Variants in TLCD3A observed in about 807,000 individuals in gnomAD.
TLCD3A encodes the protein TLC domain containing 3A, also known as TLC domain-containing protein 3A.
TLCD3A carries 17 observed loss-of-function variants against 29.9 expected under a neutral mutation model. The ratio of observed to expected loss-of-function variants is 0.57; its 90% CI spans 0.39 to 0.85. The LOEUF is 0.85. Ranked by LOEUF, TLCD3A falls within the 40% of genes least tolerant of loss-of-function variation. The pLI, the probability that TLCD3A is intolerant of heterozygous loss-of-function variation, is 0.00. For missense variants in TLCD3A, 332 were observed against 350.8 expected (o/e 0.95, Z 0.43); for synonymous variants, 143 against 147.7 (o/e 0.97, Z 0.23).
rs1428804545 is a variant in TLCD3A, at chr17:740,499, C to T, written c.409-6C>T. On this transcript the variant is annotated splice_polypyrimidine_tract_variant and splice_region_variant and intron_variant, in intron 3 of 4. Coordinates refer to ENST00000308278, the MANE Select transcript of TLCD3A (RefSeq NM_024792.3). ...TTACTTCCCCTTTTCGTTTCGTCATCCGCAGAGGCTCCGGGGAGACCTTGG... is the reference window on the plus strand; with the variant it reads ...TTACTTCCCCTTTTCGTTTCGTCATTCGCAGAGGCTCCGGGGAGACCTTGG... The T allele has an allele frequency of 1.1e-5, 18 of 1,612,762 alleles. No homozygotes were observed. The highest frequency in any genetic ancestry group is 1.3e-5 in the African/African-American group (1 of 74,902).
At position 741,980 on chromosome 17, in the gene TLCD3A, G is replaced by A. The variant is rs544219130; in HGVS notation, c.*410G>A. 8 of 209,792 alleles carry A rather than the reference G, an allele frequency of 3.8e-5. No individual in the cohort carries two copies. Among genetic ancestry groups the A allele is most frequent in the East Asian group, 2.7e-4 (2 of 7,478 alleles). 13.0% of individuals were successfully genotyped at this position (209,792 alleles called of 1,614,324 possible). A position where few individuals can be genotyped will look rare whatever the true frequency, so the allele number is the denominator to read the frequency against. On this transcript the variant is annotated 3_prime_UTR_variant, in exon 5 of 5. Transcript: ENST00000308278. Reference sequence around the variant, plus strand: ...GGACAGTACCCGTGGCACTGGGCCCGCAGAAGCAAGGGATGACTTGGTTCT... The same window carrying A: ...GGACAGTACCCGTGGCACTGGGCCCACAGAAGCAAGGGATGACTTGGTTCT...
rs540167069 is a variant in TLCD3A, at chr17:733,301, G to A, written c.206+120G>A. 7 of 953,024 alleles carry A rather than the reference G, an allele frequency of 7.3e-6. No individual in the cohort carries two copies. The East Asian group carries it at 2.2e-4, about 29-fold the overall frequency. 59.0% of individuals were successfully genotyped at this position (953,024 alleles called of 1,614,324 possible). A position where few individuals can be genotyped will look rare whatever the true frequency, so the allele number is the denominator to read the frequency against. On this transcript the variant is annotated intron_variant, in intron 2 of 4. Coordinates refer to ENST00000308278, the MANE Select transcript of TLCD3A (RefSeq NM_024792.3). ...ATGGGAAAAGCTGGCACCACAATGG[G>A]CTCCTTCTTCCTCTCCGGAGTCTTC...
Position 737,970 on chromosome 17 carries a change from C to G in TLCD3A, c.331C>G (p.Arg111Gly), listed in dbSNP as rs1350239526. 1.9e-6 allele frequency: 3 copies of G among 1,613,980 alleles called. No homozygotes were observed. The highest frequency in any genetic ancestry group is 2.7e-5 in the African/African-American group (2 of 74,886). Residue 111 changes from arginine (R) to glycine (G), a missense_variant, in exon 3 of 5, where the codon CGA becomes GGA. Transcript: ENST00000308278. ...DQNRAPSLTL[R>G]NFLSRNRLMI... ...GAACCGTGCGCCCTCCCTCACTCTT[C>G]GAAACTTCCTAAGTCGAAACCGCCT...
At chr17:732,804 G>A in intron 1 of TLCD3A, 35 bp downstream of exon 1, 1 of 1,430,196 alleles carries the variant, frequency 7.0e-7, no homozygotes, top group Non-Finnish European at 9.1e-7. Context: ...CCGAGGCCCG[G>A]GGCGCTGCCC....
At chr17:738,454 C>G (rs1280459694) in intron 3 of TLCD3A, among the ~76,000 whole-genome samples, 1 of 152,040 alleles carries the variant, frequency 6.6e-6, no homozygotes, top group African/African-American at 2.4e-5. Context: ...TTCTTTGCCA[C>G]TCATAGGCAC....
rs745589491 is a variant in TLCD3A, at chr17:741,481, C to T, written c.685C>T (p.Leu229Phe). 5.6e-6 allele frequency: 9 copies of T among 1,614,090 alleles called. No individual in the cohort carries two copies. In the East Asian group the frequency reaches 6.7e-5, roughly 12 times the overall value. Residue 229 changes from leucine to phenylalanine, a missense_variant, in exon 5 of 5, where the codon CTC (leucine) becomes TTC (phenylalanine). Leu to Phe is a conservative substitution (Grantham distance 22). Transcript: ENST00000308278. ...CTACTGCAACGTGGCCAATGCCTTC[C>T]TCGTAGCTCCTCAGATCTACTGGTT... ...PFYCNVANAF[L>F]VAPQIYWFCL... is the part of the protein sequence containing the mutation.
At chr17:740,683 T>C in intron 4 of TLCD3A, 83 bp downstream of exon 4, 1 of 1,387,072 alleles carries the variant, frequency 7.2e-7, no homozygotes. Flanking sequence ...GTGAGGGTTC[T>C]GATTCAGGCA....
In TLCD3A at chr17:742,113, C is replaced by G. The variant is rs995528333; in HGVS notation, c.*543C>G. 1 of 158,942 alleles carries G rather than the reference C, an allele frequency of 6.3e-6. No homozygotes were observed. The highest frequency in any genetic ancestry group is 1.4e-5 in the Non-Finnish European group (1 of 72,176). 9.8% of individuals were successfully genotyped at this position (158,942 alleles called of 1,614,324 possible). On this transcript the variant is annotated 3_prime_UTR_variant, in exon 5 of 5. Coordinates refer to ENST00000308278, the MANE Select transcript of TLCD3A (RefSeq NM_024792.3). ...TGGTTCTTTGCCTCATCCTCTCATC[C>G]ATGGGTCAGAGTTGAATTCTTATGT...
At position 740,603 on chromosome 17, in the gene TLCD3A, A is replaced by G. The variant is rs752538531; in HGVS notation, c.504+3A>G. The G allele has an allele frequency of 6.2e-7, 1 of 1,609,838 alleles. No homozygotes were observed. Among genetic ancestry groups the G allele is most frequent in the Non-Finnish European group, 8.5e-7 (1 of 1,176,602 alleles). On this transcript the variant is annotated splice_donor_region_variant and intron_variant, in intron 4 of 4. Coordinates refer to ENST00000308278, the MANE Select transcript of TLCD3A (RefSeq NM_024792.3). Reference sequence around the variant, plus strand: ...CGCTGGGCAGGGTTCTGATTCAGGCATGTATGAATGAAATGACAGAGAGTG... The same window carrying G: ...CGCTGGGCAGGGTTCTGATTCAGGCGTGTATGAATGAAATGACAGAGAGTG...
chr17:736,404 A>G (rs1266799743), intron 2 of TLCD3A, among the ~76,000 whole-genome samples: 3 of 152,320 alleles, frequency 2.0e-5, no homozygotes, highest in African/African-American at 7.2e-5. Context: ...TTCAATTTAG[A>G]TGTTTCTTCA....
At chr17:740,116 AC>A (rs1161519458) in intron 3 of TLCD3A, among the ~76,000 whole-genome samples, 1 of 152,230 alleles carries the variant, frequency 6.6e-6, no homozygotes, top group Non-Finnish European at 1.5e-5. Flanking sequence ...TCTGGGACCT[AC>A]CATCTAGGAA....
chr17:738,917 G>A (rs1176143745), intron 3 of TLCD3A, among the ~76,000 whole-genome samples: 1 of 152,160 alleles, frequency 6.6e-6, no homozygotes, highest in Non-Finnish European at 1.5e-5. Flanking sequence ...CCTAGCGTTT[G>A]TCAGAGGTTC....
intron 3 of TLCD3A, among the ~76,000 whole-genome samples, chr17:739,048 G>A (rs1252161960): frequency 6.6e-6 from 1 of 152,120 alleles, no homozygotes; most frequent in Non-Finnish European, 1.5e-5. Context: ...GATTCTCAAA[G>A]CAAATAGCCT....
At chr17:735,213 T>C (rs936819293) in intron 2 of TLCD3A, among the ~76,000 whole-genome samples, 2 of 151,614 alleles carry the variant, frequency 1.3e-5, no homozygotes, top group African/African-American at 2.4e-5. Context: ...AGTAAAGCCA[T>C]GTTGGCCAGG....
rs764505339 is a variant in TLCD3A at position 737,931 on chromosome 17, C to G, written c.292C>G (p.Arg98Gly). 6.2e-7 allele frequency: 1 copy of G among 1,613,768 alleles called. No homozygotes were observed. Among genetic ancestry groups the G allele is most frequent in the Non-Finnish European group, 8.5e-7 (1 of 1,180,004 alleles). Residue 98 changes from arginine (R) to glycine (G), a missense_variant, in exon 3 of 5, where the codon CGA becomes GGA. Coordinates refer to ENST00000308278, the MANE Select transcript of TLCD3A (RefSeq NM_024792.3). The stretch of plus-strand genomic sequence containing the variant: ...CGCCATGTACCTCTGTGAATGGTGC[C>G]GAACCAGAGACCAGAACCGTGCGCC... The part of the protein sequence containing the change: ...SYAMYLCEWC[R>G]TRDQNRAPSL...
In TLCD3A at chr17:737,890, T is replaced by C. The variant is rs765661560; in HGVS notation, c.251T>C (p.Met84Thr). 6.8e-6 allele frequency: 11 copies of C among 1,614,144 alleles called. No homozygotes were observed. Among genetic ancestry groups the C allele is most frequent in the Non-Finnish European group, 8.5e-6 (10 of 1,180,016 alleles). ...TATGTGTGGTTTCTGATTCCATACA[T>C]GATCTATGACTCGTACGCCATGTAC... ...REYVWFLIPY[M>T]IYDSYAMYLC... The change falls in exon 3 of 5, where the codon ATG becomes ACG. Residue 84 changes from methionine (M) to threonine (T), a missense_variant. Coordinates refer to ENST00000308278, the MANE Select transcript of TLCD3A (RefSeq NM_024792.3).
rs139727373 is a variant in TLCD3A at position 738,025 on chromosome 17, T to C, written c.386T>C (p.Phe129Ser). Residue 129 changes from phenylalanine to serine, a missense_variant, in exon 3 of 5, where the codon TTT becomes TCT. Phe to Ser is a radical substitution (Grantham distance 155, BLOSUM62 -2). Coordinates refer to ENST00000308278, the MANE Select transcript of TLCD3A (RefSeq NM_024792.3). ...ATCACACATCATGCGGTCATTCTCT[T>C]TGTCCTTGTGCCAGTCGCACAGGTA... The part of the protein sequence containing the change: ...LMITHHAVIL[F>S]VLVPVAQRLR... The C allele has an allele frequency of 6.2e-7, 1 of 1,611,852 alleles. No homozygotes were observed. Among genetic ancestry groups the C allele is most frequent in the African/African-American group, 1.3e-5 (1 of 74,716 alleles).
chr17:741,841 T>C lies in TLCD3A; in HGVS notation c.*271T>C. 2 of 476,546 alleles carry C rather than the reference T, an allele frequency of 4.2e-6. No homozygotes were observed. The highest frequency in any genetic ancestry group is 7.7e-6 in the Non-Finnish European group (2 of 261,288). 29.5% of individuals were successfully genotyped at this position (476,546 alleles called of 1,614,324 possible). ...CCCAAGGATCCTTCTTAAGGTCTTA[T>C]CTCAAGAGCTCTGGGAGGTGGAAGC... On this transcript the variant is annotated 3_prime_UTR_variant, in exon 5 of 5. Transcript: ENST00000308278.
At chr17:732,985 C>T (rs1258155341) in intron 1 of TLCD3A, 113 bp from the exon 2 acceptor site, 3 of 1,420,844 alleles carry the variant, frequency 2.1e-6, no homozygotes, top group South Asian at 2.5e-5. Context: ...CTCCGGAGCC[C>T]GCTCCCCACA....
Sources: gnomAD v4.1 joint callset for allele counts (sites outside exome capture counted in the v4.1 genomes callset) on GRCh38, gnomAD v4.1.1 for gene constraint, MANE v1.5 for transcripts, NCBI Gene and HGNC (gene_info 2026-07-23, HGNC 2026-07-21) for gene names.